C5: variants seen among roughly 807,000 people sequenced by gnomAD.
The protein encoded by C5 is complement C5.
A neutral mutation model predicts 218.8 loss-of-function variants in C5; 140 were observed. The observed-to-expected ratio is 0.64, with a 90% CI of 0.56 to 0.74. C5 has a LOEUF of 0.74. Among genes scored for constraint, C5 ranks in the 30% least tolerant of loss-of-function variants. C5 has a pLI of 0.00. For missense variants in C5, 1,700 were observed against 1,969.6 expected, an observed-to-expected ratio of 0.86 and a Z score of 2.59; for synonymous variants, 614 against 682.3, an observed-to-expected ratio of 0.90 and a Z score of 1.56.
rs1035352576 is a variant in C5 at position 121,036,942 on chromosome 9, T to C, written c.492+939A>G. Among the ~76,000 whole-genome samples the C allele has an allele frequency of 2.0e-5, 3 of 152,148 alleles. 1 individual carries two copies. Among genetic ancestry groups the C allele is most frequent in the South Asian group, 4.1e-4 (2 of 4,834 alleles). On this transcript the variant is annotated intron_variant, in intron 4 of 40. Coordinates refer to ENST00000223642, the MANE Select transcript of C5 (RefSeq NM_001735.3). ...CTATATTGAAGGACCATTAGTAGTA[T>C]ACCTACTGTTAATAACTGAGCAGTT...
intron 21 of C5, 137 bp downstream of exon 21, chr9:120,997,410 A>G: frequency 2.9e-6 from 2 of 689,058 alleles, no homozygotes; most frequent in East Asian, 5.5e-5. Context: ...TACAAAAAAA[A>G]TCTGGAATAA....
intron 20 of C5, among the ~76,000 whole-genome samples, chr9:121,003,107 A>T (rs558121430): frequency 9.7e-4 from 147 of 152,326 alleles, no homozygotes; most frequent in African/African-American, 3.4e-3. Flanking sequence ...CCTGGACCAC[A>T]TGGTGAAACC....
In C5 at chr9:121,018,709, AAAAG is replaced by A. The variant is rs1290884309; in HGVS notation, c.1507-861_1507-858del. Among the ~76,000 whole-genome samples, 62 of 140,858 alleles carry A rather than the reference AAAAG, an allele frequency of 4.4e-4. 1 individual carries two copies. The highest frequency in any genetic ancestry group is 2.2e-3 in the East Asian group (10 of 4,506). The allele number at this position is 140,858 out of a possible 152,430, so 92.4% of individuals were successfully genotyped here. A position where few individuals can be genotyped will look rare whatever the true frequency, so the allele number is the denominator to read the frequency against. On this transcript the variant is annotated intron_variant, in intron 12 of 40. Coordinates refer to ENST00000223642, the MANE Select transcript of C5 (RefSeq NM_001735.3). ...GAGGGAGGGAGGGAAAGAAAGAAAG[AAAAG>A]AAAGAAAGAAAGAAGGAAGGAAGGA...
intron 20 of C5, among the ~76,000 whole-genome samples, chr9:121,002,262 G>A (rs10985120): frequency 1.1e-4 from 10 of 92,100 alleles, no homozygotes; most frequent in Non-Finnish European, 2.2e-4. Context: ...ATGTATATAT[G>A]TATATATATG....
At position 121,043,034 on chromosome 9, in the gene C5, C is replaced by T; in HGVS notation, c.391G>A (p.Asp131Asn). The change falls in exon 3 of 41, where the codon GAC becomes AAC. Residue 131 changes from aspartate to asparagine, a missense_variant. By Grantham distance (23) the Asp-to-Asn change is conservative. Transcript: ENST00000223642. Reference sequence around the variant, plus strand: ...TGGTCTGGAGTATAAACAGGTTTGTCTGTATGAATGAAGAGAAATCCATTG... The same window carrying T: ...TGGTCTGGAGTATAAACAGGTTTGTTTGTATGAATGAAGAGAAATCCATTG... ...YDNGFLFIHTDKPVYTPDQSV... is the reference protein window; with the variant it reads ...YDNGFLFIHTNKPVYTPDQSV... 1 of 1,612,940 alleles carries T rather than the reference C, an allele frequency of 6.2e-7. No individual in the cohort carries two copies. Among genetic ancestry groups the T allele is most frequent in the Non-Finnish European group, 8.5e-7 (1 of 1,179,270 alleles).
chr9:121,066,610 T>A, the C5 span, among the ~76,000 whole-genome samples: 1 of 151,812 alleles, frequency 6.6e-6, no homozygotes, highest in Non-Finnish European at 1.5e-5. Context: ...TTTGGGAGGC[T>A]GAGGTGGACA....
chr9:121,001,505 A>G (rs1449560660), intron 20 of C5, among the ~76,000 whole-genome samples: 1 of 152,148 alleles, frequency 6.6e-6, no homozygotes, highest in Non-Finnish European at 1.5e-5. Context: ...TGTATTAACA[A>G]ACAATATATA....
In C5 at chr9:120,959,138, T is replaced by C. The variant is rs2046807329; in HGVS notation, c.4678+1110A>G. 2.0e-5 allele frequency among the ~76,000 whole-genome samples: 3 copies of C among 152,044 alleles called. No homozygotes were observed. In the South Asian group the frequency reaches 6.2e-4, roughly 32 times the overall value. On this transcript the variant is annotated intron_variant, in intron 38 of 40. Coordinates refer to ENST00000223642, the MANE Select transcript of C5 (RefSeq NM_001735.3). ...TCCGTAAGAATGAGAACCCTTTCCA[T>C]TGCAATGAGAAACTGTTTATGGAAG...
upstream of C5, among the ~76,000 whole-genome samples, chr9:121,050,566 T>C (rs1246692544): frequency 7.2e-5 from 11 of 152,212 alleles, no homozygotes; most frequent in Non-Finnish European, 1.6e-4. Context: ...CTTTCTTCTC[T>C]TGCCCAGGGC....
chr9:121,019,764 T>C (rs2047346894), intron 12 of C5, among the ~76,000 whole-genome samples: 1 of 152,218 alleles, frequency 6.6e-6, no homozygotes, highest in African/African-American at 2.4e-5. Flanking sequence ...TCTTTTAACT[T>C]CTCTGTCCCT....
chr9:121,027,301 T>G (rs778705052), intron 7 of C5, 27 bp from the exon 8 acceptor site: 1 of 1,052,414 alleles, frequency 9.5e-7, no homozygotes. Context: ...TAAAACTGTT[T>G]TACTAACATG....
intron 18 of C5, 61 bp downstream of exon 18, chr9:121,008,347 T>C (rs535932527): frequency 8.6e-7 from 1 of 1,164,810 alleles, no homozygotes; most frequent in South Asian, 1.2e-5. Context: ...TTCTAGATTT[T>C]TGGCCATAAT....
chr9:121,044,432 C>T (rs148300107), intron 2 of C5, among the ~76,000 whole-genome samples: 27 of 152,248 alleles, frequency 1.8e-4, no homozygotes, highest in Middle Eastern at 3.4e-3. Context: ...GCCGATATTA[C>T]ACCACTGTCT....
At chr9:121,015,488 T>C (rs974444642) in intron 15 of C5, among the ~76,000 whole-genome samples, 5 of 152,290 alleles carry the variant, frequency 3.3e-5, no homozygotes, top group Non-Finnish European at 4.4e-5. Flanking sequence ...TTATTTTATC[T>C]GAATTTGGTT....
Position 121,015,200 on chromosome 9 carries a change from T to C in C5, c.2058A>G (p.Ile686Met). The C allele has an allele frequency of 6.3e-7, 1 of 1,592,064 alleles. No homozygotes were observed. The highest frequency in any genetic ancestry group is 8.6e-7 in the Non-Finnish European group (1 of 1,161,138). Residue 686 changes from isoleucine to methionine, a missense_variant and splice_region_variant, in exon 16 of 41, where the codon ATA becomes ATG. Physicochemically the swap from Ile to Met is conservative, Grantham distance 10. Transcript: ENST00000223642. ...ACAATCACATGAATCTTACAGTACCTATTTCTTCTATCTTCTTTTGCAGCG... is the reference window on the plus strand; with the variant it reads ...ACAATCACATGAATCTTACAGTACCCATTTCTTCTATCTTCTTTTGCAGCG... ...RRTLQKKIEE[I>M]AAKYKHSVVK...
chr9:120,960,581 G>A (rs1221790166), intron 37 of C5, among the ~76,000 whole-genome samples: 3 of 152,218 alleles, frequency 2.0e-5, no homozygotes, highest in East Asian at 1.9e-4. Flanking sequence ...CCCATGGCCC[G>A]TGGGCAGCAC....
rs1423855081 is a variant in C5, at chr9:121,046,285, G to A, written c.164C>T (p.Ser55Phe). 2 of 1,607,140 alleles carry A rather than the reference G, an allele frequency of 1.2e-6. No homozygotes were observed. Among genetic ancestry groups the A allele is most frequent in the South Asian group, 1.1e-5 (1 of 90,926 alleles). Residue 55 changes from serine (S) to phenylalanine (F), a missense_variant, in exon 2 of 41, where the codon TCT becomes TTT. Physicochemically the swap from Ser to Phe is radical, Grantham distance 155 (BLOSUM62 -2). Transcript: ENST00000223642. ...GYTEAFDATI[S>F]IKSYPDKKFS... ...TTTTTTATCAGGATAACTTTTAATA[G>A]AGATTGTTGCATCAAATGCTTCAGT... is the stretch of plus-strand genomic sequence containing the variant.
chr9:121,073,933 C>T, the C5 span, among the ~76,000 whole-genome samples: 1 of 152,112 alleles, frequency 6.6e-6, no homozygotes, highest in South Asian at 2.1e-4. Flanking sequence ...AAGTGTTATA[C>T]AGGTGGCCTA....
intron 25 of C5, among the ~76,000 whole-genome samples, chr9:120,986,770 TA>T (rs1320396970): frequency 1.3e-5 from 2 of 151,608 alleles, no homozygotes; most frequent in African/African-American, 4.9e-5. Context: ...TTTATTTTTT[TA>T]TATTTTTATT....
Sources: allele counts gnomAD v4.1 joint callset (sites outside exome capture counted in the v4.1 genomes callset), GRCh38; gene constraint gnomAD v4.1.1; transcripts MANE v1.5; gene names NCBI Gene and HGNC (gene_info 2026-07-23, HGNC 2026-07-21).